WDR90: variants seen among roughly 807,000 people sequenced by gnomAD.
WDR90 encodes WD repeat domain 90.
A neutral mutation model predicts 195.2 loss-of-function variants in WDR90; 238 were observed. That is an observed-to-expected ratio of 1.22 (90% CI 1.10 to 1.36). The LOEUF (loss-of-function observed/expected upper bound fraction) is 1.36, where lower values mean the gene tolerates loss of function less well. Among genes scored for constraint, WDR90 ranks in the 40% most tolerant of loss-of-function variants. The pLI is 0.00. For synonymous variants in WDR90, 1,265 were observed against 1,052.4 expected (o/e 1.20, Z -3.91); for missense variants, 2,734 against 2,439.5 (o/e 1.12, Z -2.54).
rs1245465601 is a variant in WDR90, at chr16:662,723, TGA to T, written c.4192_4193del (p.Ser1398CysfsTer5). 6.3e-7 allele frequency: 1 copy of T among 1,588,022 alleles called. No homozygotes were observed. Among genetic ancestry groups the T allele is most frequent in the Non-Finnish European group, 8.6e-7 (1 of 1,163,782 alleles). ...GAGCTGGTGCTGGACGGGGCTGTGG[TGA>T]GTGCCAGCTTCGATGACAGCGTGGA... On this transcript the variant is annotated frameshift_variant, in exon 34 of 41. Coordinates refer to ENST00000293879, the MANE Select transcript of WDR90 (RefSeq NM_145294.5). LOFTEE classifies it high-confidence loss of function.
chr16:662,200 A>G lies in WDR90; in HGVS notation c.4034-20A>G. 10 of 1,529,658 alleles carry G rather than the reference A, an allele frequency of 6.5e-6. No individual in the cohort carries two copies. The highest frequency in any genetic ancestry group is 2.4e-5 in the South Asian group (2 of 82,168). 94.8% of individuals were successfully genotyped at this position (1,529,658 alleles called of 1,614,324 possible). A position where few individuals can be genotyped will look rare whatever the true frequency, so the allele number is the denominator to read the frequency against. On this transcript the variant is annotated intron_variant, in intron 32 of 40. Coordinates refer to ENST00000293879, the MANE Select transcript of WDR90 (RefSeq NM_145294.5). ...TCTGGGAAGGCAGCCGTGGCCCCTTATGGCTCCTCCTGCCCCTAGGGCTGT... is the reference window on the plus strand; with the variant it reads ...TCTGGGAAGGCAGCCGTGGCCCCTTGTGGCTCCTCCTGCCCCTAGGGCTGT...
rs1165730582 is a variant in WDR90, at chr16:650,243, C to A, written c.280-11C>A. ...CCCCTGTCTCCTCACGGCCCTGCTC[C>A]GTCCCCACAGGACAACCAAGTCATC... On this transcript the variant is annotated splice_polypyrimidine_tract_variant and intron_variant, in intron 3 of 40. Transcript: ENST00000293879. 2 of 1,612,634 alleles carry A rather than the reference C, an allele frequency of 1.2e-6. No homozygotes were observed. The highest frequency in any genetic ancestry group is 1.7e-6 in the Non-Finnish European group (2 of 1,179,724).
At chr16:660,347 C>G (rs776479572) in intron 27 of WDR90, among the ~76,000 whole-genome samples, 186 bp downstream of exon 27, 3 of 152,128 alleles carry the variant, frequency 2.0e-5, no homozygotes, top group Non-Finnish European at 4.4e-5. Flanking sequence ...GGCCTCCAGA[C>G]GGGACTCTGT....
chr16:661,200 T>C, intron 29 of WDR90, 28 bp downstream of exon 29: 1 of 1,522,780 alleles, frequency 6.6e-7, no homozygotes, highest in Non-Finnish European at 8.8e-7. Flanking sequence ...CCTCCTCCTC[T>C]CCCAGGGCCA....
Position 658,587 on chromosome 16 carries a change from G to A in WDR90, c.2829G>A (p.Leu943=). Residue 943 remains leucine, a synonymous_variant, in exon 23 of 41, where the codon CTG becomes CTA. Transcript: ENST00000293879. The stretch of plus-strand genomic sequence containing the variant: ...CGCTCAGTGAGGACGCCCGCTTCCT[G>A]CTGATTGCCGCCGGCCGGACCATCA... ...SLTLSEDARF[L]LIAAGRTIKV... 1 of 1,612,738 alleles carries A rather than the reference G, an allele frequency of 6.2e-7. No homozygotes were observed. Among genetic ancestry groups the A allele is most frequent in the Non-Finnish European group, 8.5e-7 (1 of 1,179,922 alleles).
Position 665,699 on chromosome 16 carries a change from C to T in WDR90, c.4332C>T (p.Ser1444=), listed in dbSNP as rs1311673035. ...CCCAGGTGAACGAGGTGGTCTTCAG[C>T]CCCGGGGAGTCCCACTGCGCCACAT... ...HRSKVNEVVF[S]PGESHCATCS... Residue 1444 remains serine (S), a synonymous_variant, in exon 35 of 41, where the codon AGC becomes AGT. Coordinates refer to ENST00000293879, the MANE Select transcript of WDR90 (RefSeq NM_145294.5). 2 of 1,612,546 alleles carry T rather than the reference C, an allele frequency of 1.2e-6. No homozygotes were observed. The highest frequency in any genetic ancestry group is 2.2e-5 in the East Asian group (1 of 44,898).
chr16:667,484 C>T lies in WDR90; in HGVS notation c.5142C>T (p.Ala1714=), dbSNP rs369784818. The T allele has an allele frequency of 1.4e-5, 23 of 1,610,584 alleles. No homozygotes were observed. Among genetic ancestry groups the T allele is most frequent in the African/African-American group, 1.1e-4 (8 of 75,038 alleles). ...DCAMGTAQDF[A]GHDNAVHLCR... ...CCATGGGGACTGCCCAAGACTTTGCCGGCCACGACAACGCAGTGCACCTGT... is the reference window on the plus strand; with the variant it reads ...CCATGGGGACTGCCCAAGACTTTGCTGGCCACGACAACGCAGTGCACCTGT... Residue 1714 remains alanine, a synonymous_variant, in exon 41 of 41, where the codon GCC becomes GCT. Transcript: ENST00000293879.
Position 651,858 on chromosome 16 carries a change from TC to T in WDR90, c.875del (p.Pro292ArgfsTer44). ...SGRAALAPRP[F>X]PEVSLSQERS... ...CGGGCCGCCTTGGCACCCAGGCCCT[TC>T]CCGGAGGTCAGCCTGTCCCAAGAGC... On this transcript the variant is annotated frameshift_variant, in exon 9 of 41. Transcript: ENST00000293879. LOFTEE classifies it high-confidence loss of function. The T allele has an allele frequency of 6.2e-7, 1 of 1,610,376 alleles. No individual in the cohort carries two copies. The highest frequency in any genetic ancestry group is 2.2e-5 in the East Asian group (1 of 44,880).
Position 666,090 on chromosome 16 carries a change from G to A in WDR90, c.4575G>A (p.Pro1525=), listed in dbSNP as rs780534225. 1.9e-5 allele frequency: 31 copies of A among 1,610,138 alleles called. No homozygotes were observed. Among genetic ancestry groups the A allele is most frequent in the East Asian group, 1.3e-4 (6 of 44,888 alleles). ...TAMELKMHPH[P]VALTTVAFST... ...TGGAGCTCAAGATGCACCCCCACCC[G>A]GTGGCGCTGACCACTGTTGCCTTCT... The change falls in exon 36 of 41, where the codon CCG becomes CCA. Residue 1525 remains proline (P), a synonymous_variant. Coordinates refer to ENST00000293879, the MANE Select transcript of WDR90 (RefSeq NM_145294.5).
chr16:662,562 C>G (rs2037939984), intron 33 of WDR90, 117 bp from the exon 34 acceptor site: 1 of 1,405,318 alleles, frequency 7.1e-7, no homozygotes, highest in Non-Finnish European at 9.6e-7. Flanking sequence ...ACCGGGAGGG[C>G]ACAGCCAGGT....
chr16:651,276 G>A lies in WDR90; in HGVS notation c.736+10G>A. The A allele has an allele frequency of 6.2e-7, 1 of 1,612,760 alleles. No individual in the cohort carries two copies. Among genetic ancestry groups the A allele is most frequent in the Non-Finnish European group, 8.5e-7 (1 of 1,179,916 alleles). On this transcript the variant is annotated intron_variant, in intron 7 of 40. Transcript: ENST00000293879. ...TCCCCTCCTGAGGCAGGTGGGTCTG[G>A]GGGGTCAGCGGGGACCCAGGTTAAG... is the stretch of plus-strand genomic sequence containing the variant.
At position 665,710 on chromosome 16, in the gene WDR90, C is replaced by T. The variant is rs747557789; in HGVS notation, c.4343C>T (p.Ser1448Phe). ...VNEVVFSPGE[S>F]HCATCSEDGS... is the part of the protein sequence containing the mutation. ...GAGGTGGTCTTCAGCCCCGGGGAGT[C>T]CCACTGCGCCACATGCAGTGAGGAT... is the stretch of plus-strand genomic sequence containing the variant. The change falls in exon 35 of 41, where the codon TCC becomes TTC. Residue 1448 changes from serine (S) to phenylalanine (F), a missense_variant. Transcript: ENST00000293879. 1 of 1,612,620 alleles carries T rather than the reference C, an allele frequency of 6.2e-7. No homozygotes were observed. Among genetic ancestry groups the T allele is most frequent in the Non-Finnish European group, 8.5e-7 (1 of 1,179,854 alleles).
chr16:665,902 C>T (rs1424830053), intron 35 of WDR90, 48 bp from the exon 36 acceptor site: 2 of 1,560,582 alleles, frequency 1.3e-6, no homozygotes, highest in Admixed American at 1.8e-5. Context: ...GGGTGTGTGT[C>T]CTCAGGGCCC....
chr16:657,891 A>G lies in WDR90; in HGVS notation c.2603A>G (p.Glu868Gly). The G allele has an allele frequency of 1.3e-6, 2 of 1,571,634 alleles. No homozygotes were observed. The highest frequency in any genetic ancestry group is 1.7e-6 in the Non-Finnish European group (2 of 1,157,832). Residue 868 changes from glutamate to glycine, a missense_variant and splice_region_variant, in exon 21 of 41, where the codon GAG becomes GGG. Coordinates refer to ENST00000293879, the MANE Select transcript of WDR90 (RefSeq NM_145294.5). ...GTCATGGGCTCGGCCTCCCTTGATG[A>G]GGTGAGTCCGCAGCCCTCCTGGGTC... is the stretch of plus-strand genomic sequence containing the variant. Reference protein sequence around the residue: ...VTVMGSASLDELLRVDIGTLD... With the variant: ...VTVMGSASLDGLLRVDIGTLD...
intron 9 of WDR90, 99 bp downstream of exon 9, chr16:652,138 C>T (rs1262602275): frequency 8.1e-6 from 11 of 1,356,242 alleles, no homozygotes; most frequent in African/African-American, 1.4e-5. Flanking sequence ...GTGCCTCCAA[C>T]GGTCTCCTCT....
chr16:654,928 TGA>T, intron 13 of WDR90, 99 bp from the exon 14 acceptor site: 1 of 1,124,480 alleles, frequency 8.9e-7, no homozygotes, highest in Non-Finnish European at 1.3e-6. Flanking sequence ...GGTCTCCGCA[TGA>T]GAGAAAAGCC....
chr16:649,188 G>T, upstream of WDR90: 1 of 431,004 alleles, frequency 2.3e-6, no homozygotes, highest in South Asian at 1.1e-4. Flanking sequence ...GCTGCCTTGG[G>T]AGGCCCGCGG....
In WDR90 at chr16:666,450, C is replaced by G. The variant is rs754945453; in HGVS notation, c.4741-5C>G. Reference sequence around the variant, plus strand: ...CCTGTCGGCCCTCACCCACTCCATTCCCAGTGTGAAGACTTAGGGGTGGAG... The same window carrying G: ...CCTGTCGGCCCTCACCCACTCCATTGCCAGTGTGAAGACTTAGGGGTGGAG... On this transcript the variant is annotated splice_region_variant and splice_polypyrimidine_tract_variant and intron_variant, in intron 37 of 40. Transcript: ENST00000293879. 4.3e-6 allele frequency: 7 copies of G among 1,609,898 alleles called. No homozygotes were observed. The highest frequency in any genetic ancestry group is 1.7e-5 in the Admixed American group (1 of 59,926).
intron 34 of WDR90, among the ~76,000 whole-genome samples, chr16:663,737 TGGG>T (rs2037965248): frequency 6.6e-6 from 1 of 152,200 alleles, no homozygotes; most frequent in Non-Finnish European, 1.5e-5. Flanking sequence ...TGTGGCCTCA[TGGG>T]GTTGGGACAG....
Sources: gnomAD v4.1 joint callset for allele counts (sites outside exome capture counted in the v4.1 genomes callset) on GRCh38, gnomAD v4.1.1 for gene constraint, MANE v1.5 for transcripts, NCBI Gene and HGNC (gene_info 2026-07-23, HGNC 2026-07-21) for gene names.